The following DYNC1I1 variants were observed in gnomAD, a reference collection of about 807,000 sequenced individuals.
DYNC1I1 encodes the protein cytoplasmic dynein 1 intermediate chain 1.
A neutral mutation model predicts 86.6 loss-of-function variants in DYNC1I1; 43 were observed. That is an observed-to-expected ratio of 0.50 (90% CI 0.39 to 0.64). DYNC1I1 has a LOEUF of 0.64. Among genes scored for constraint, DYNC1I1 ranks in the 30% least tolerant of loss-of-function variants. The probability of loss-of-function intolerance (pLI) is 0.00; values close to 1 mark genes in which losing one functional copy is unlikely to be tolerated. For missense variants in DYNC1I1, 604 were observed against 788.8 expected (o/e 0.77, Z 2.81); for synonymous variants, 262 against 283.7 (o/e 0.92, Z 0.77).
At chr7:95,973,903 C>T (rs1357444971) in intron 6 of DYNC1I1, among the ~76,000 whole-genome samples, 1 of 152,186 alleles carries the variant, frequency 6.6e-6, no homozygotes, top group African/African-American at 2.4e-5. Context: ...CTAATAAATG[C>T]ACAATTATTA....
At chr7:95,967,350 T>TG (rs1177981138) in intron 6 of DYNC1I1, among the ~76,000 whole-genome samples, 1 of 152,156 alleles carries the variant, frequency 6.6e-6, no homozygotes, top group South Asian at 2.1e-4. Context: ...TTTGGGGAAC[T>TG]GGGGGGTTCT....
chr7:96,003,235 A>C (rs374222616), intron 10 of DYNC1I1, among the ~76,000 whole-genome samples: 1 of 152,182 alleles, frequency 6.6e-6, no homozygotes, highest in African/African-American at 2.4e-5. Context: ...CGAGGTACAG[A>C]TGCATTGGCT....
intron 6 of DYNC1I1, among the ~76,000 whole-genome samples, chr7:95,928,611 C>T (rs1285853396): frequency 6.6e-6 from 1 of 152,188 alleles, no homozygotes; most frequent in East Asian, 1.9e-4. Context: ...TCACCACGTG[C>T]AGTGTTTGTC....
chr7:95,817,836 AT>A (rs1335467659), intron 4 of DYNC1I1, among the ~76,000 whole-genome samples: 1 of 152,154 alleles, frequency 6.6e-6, no homozygotes. Flanking sequence ...TCTCATTCAC[AT>A]GGATGGCTCA....
Position 96,014,997 on chromosome 7 carries a change from C to A in DYNC1I1, c.970-13178C>A, listed in dbSNP as rs1263829553. Among the ~76,000 whole-genome samples, 3 of 152,004 alleles carry A rather than the reference C, an allele frequency of 2.0e-5. No homozygotes were observed. In the South Asian group the frequency reaches 6.2e-4, roughly 32 times the overall value. ...CATTGAACACCTTCCTTTTTTTCAA[C>A]TCCTGGAGAATTGCACAAGGCACTT... On this transcript the variant is annotated intron_variant, in intron 10 of 16. Coordinates refer to ENST00000447467, the MANE Select transcript of DYNC1I1 (RefSeq NM_001135556.2).
chr7:95,967,890 G>A (rs1379848735), intron 6 of DYNC1I1, among the ~76,000 whole-genome samples: 1 of 152,190 alleles, frequency 6.6e-6, no homozygotes, highest in Non-Finnish European at 1.5e-5. Flanking sequence ...GCAGACTGGA[G>A]TATGCATGTG....
At chr7:95,928,746 T>C (rs1034814995) in intron 6 of DYNC1I1, among the ~76,000 whole-genome samples, 1 of 152,186 alleles carries the variant, frequency 6.6e-6, no homozygotes, top group Non-Finnish European at 1.5e-5. Flanking sequence ...AATACGGCCA[T>C]GGGCAGTTAG....
intron 14 of DYNC1I1, among the ~76,000 whole-genome samples, chr7:96,056,758 GTA>G (rs573244102): frequency 6.6e-6 from 1 of 151,600 alleles, no homozygotes; most frequent in Non-Finnish European, 1.5e-5. Flanking sequence ...TATATAGTGT[GTA>G]TATATATATG....
At chr7:95,862,334 A>G (rs146704628) in intron 5 of DYNC1I1, among the ~76,000 whole-genome samples, 3,067 of 148,362 alleles carry the variant, frequency 0.021, 111 homozygotes, top group African/African-American at 0.071. Flanking sequence ...AGTTATAAAC[A>G]TTTCTTACAA....
chr7:95,875,140 T>C (rs1001049634), intron 6 of DYNC1I1, among the ~76,000 whole-genome samples: 8 of 152,196 alleles, frequency 5.3e-5, no homozygotes, highest in African/African-American at 1.9e-4. Context: ...CAAGTTCAGC[T>C]TCCCATAATG....
At chr7:95,943,762 A>G (rs2116455738) in intron 6 of DYNC1I1, among the ~76,000 whole-genome samples, 1 of 151,438 alleles carries the variant, frequency 6.6e-6, no homozygotes, top group East Asian at 1.9e-4. Context: ...TGAGAAAAAC[A>G]AGCAATGGGG....
chr7:95,835,848 T>C (rs1260938733), intron 5 of DYNC1I1, among the ~76,000 whole-genome samples: 1 of 152,144 alleles, frequency 6.6e-6, no homozygotes, highest in Non-Finnish European at 1.5e-5. Context: ...CATCCTTTTA[T>C]TTTGAGCCTA....
At chr7:96,011,044 G>A (rs1794263327) in intron 10 of DYNC1I1, among the ~76,000 whole-genome samples, 1 of 152,138 alleles carries the variant, frequency 6.6e-6, no homozygotes, top group South Asian at 2.1e-4. Flanking sequence ...ATTGCCTCGG[G>A]AAAAGGTAGT....
chr7:95,839,006 A>T (rs769843716), intron 5 of DYNC1I1, among the ~76,000 whole-genome samples: 10 of 152,052 alleles, frequency 6.6e-5, no homozygotes, highest in African/African-American at 1.4e-4. Context: ...TATTAGGTTG[A>T]ATAGTAGCTT....
At position 96,028,275 on chromosome 7, in the gene DYNC1I1, G is replaced by A; in HGVS notation, c.1070G>A (p.Arg357Gln). The change falls in exon 11 of 17, where the codon CGA (arginine) becomes CAA (glutamine). Residue 357 changes from arginine to glutamine, a missense_variant. Physicochemically the swap from Arg to Gln is conservative, Grantham distance 43. Coordinates refer to ENST00000447467, the MANE Select transcript of DYNC1I1 (RefSeq NM_001135556.2). Reference sequence around the variant, plus strand: ...GTCCTCTGGGACAATCGCAGTCATCGAAGGACTCCAGTGCAGCGGACACCC... The same window carrying A: ...GTCCTCTGGGACAATCGCAGTCATCAAAGGACTCCAGTGCAGCGGACACCC... ...QIVLWDNRSHRRTPVQRTPLS... is the reference protein window; with the variant it reads ...QIVLWDNRSHQRTPVQRTPLS... 1 of 1,613,776 alleles carries A rather than the reference G, an allele frequency of 6.2e-7. No individual in the cohort carries two copies. The highest frequency in any genetic ancestry group is 8.5e-7 in the Non-Finnish European group (1 of 1,179,782).
intron 14 of DYNC1I1, among the ~76,000 whole-genome samples, chr7:96,069,777 A>T (rs1043091671): frequency 1.3e-5 from 2 of 152,186 alleles, no homozygotes; most frequent in African/African-American, 4.8e-5. Flanking sequence ...GATTAGGTGG[A>T]TTCTTCCATG....
chr7:96,023,718 C>T (rs561308682), intron 10 of DYNC1I1, among the ~76,000 whole-genome samples: 101 of 152,164 alleles, frequency 6.6e-4, no homozygotes, highest in African/African-American at 2.3e-3. Context: ...TGGGTCAGCT[C>T]GTGTGCAAGT....
intron 6 of DYNC1I1, among the ~76,000 whole-genome samples, chr7:95,946,935 T>G (rs1205739962): frequency 1.3e-5 from 2 of 152,120 alleles, no homozygotes; most frequent in Non-Finnish European, 2.9e-5. Context: ...ATAGGATGGA[T>G]ACAAAGGCCT....
At chr7:95,886,678 C>T (rs1790601681) in intron 6 of DYNC1I1, among the ~76,000 whole-genome samples, 1 of 152,056 alleles carries the variant, frequency 6.6e-6, no homozygotes, top group South Asian at 2.1e-4. Flanking sequence ...ACCAAGTATG[C>T]CACTTGTCTG....
Sources: gnomAD v4.1 joint callset for allele counts (sites outside exome capture counted in the v4.1 genomes callset) on GRCh38, gnomAD v4.1.1 for gene constraint, MANE v1.5 for transcripts, NCBI Gene and HGNC (gene_info 2026-07-23, HGNC 2026-07-21) for gene names.